Variants in COL4A1 observed in about 807,000 individuals in gnomAD.
COL4A1 encodes the protein collagen alpha-1(IV) chain.
COL4A1 carries 40 observed loss-of-function variants against 216.6 expected under a neutral mutation model. The observed-to-expected ratio is 0.18, with a 90% CI of 0.14 to 0.24. The LOEUF is 0.24. Among genes scored for constraint, COL4A1 ranks in the 10% least tolerant of loss-of-function variants. The pLI is 1.00. For missense variants in COL4A1, 1,628 were observed against 2,196.8 expected (o/e 0.74, Z 5.18); for synonymous variants, 839 against 810.7 (o/e 1.03, Z -0.59).
chr13:110,178,042 C>T, intron 32 of COL4A1, 22 bp downstream of exon 32: 1 of 1,614,152 alleles, frequency 6.2e-7, no homozygotes, highest in Non-Finnish European at 8.5e-7. Flanking sequence ...TGGATCCAGG[C>T]AGAAGTTCAA....
At chr13:110,242,788 A>C in intron 1 of COL4A1, 54 bp from the exon 2 acceptor site, 1 of 1,587,508 alleles carries the variant, frequency 6.3e-7, no homozygotes, top group Non-Finnish European at 8.6e-7. Context: ...AAGCGAGGGC[A>C]CTATGCAAAT....
chr13:110,275,772 A>C (rs1193070), intron 1 of COL4A1, among the ~76,000 whole-genome samples: 14,870 of 152,196 alleles, frequency 0.098, 909 homozygotes, highest in East Asian at 0.31. Context: ...AATGCATATT[A>C]CTAAGGGAAT....
chr13:110,167,819 T>C (rs1432069973), intron 43 of COL4A1, among the ~76,000 whole-genome samples: 1 of 152,196 alleles, frequency 6.6e-6, no homozygotes, highest in Non-Finnish European at 1.5e-5. Context: ...CTTTCTCAAG[T>C]CGTGGACAGC....
chr13:110,270,452 T>C (rs990003142), intron 1 of COL4A1, among the ~76,000 whole-genome samples: 2 of 152,248 alleles, frequency 1.3e-5, no homozygotes, highest in Non-Finnish European at 2.9e-5. Flanking sequence ...GAAAAGGAGA[T>C]AAAAGGAAGA....
chr13:110,185,857 A>G (rs1878377780), intron 26 of COL4A1, among the ~76,000 whole-genome samples: 1 of 152,206 alleles, frequency 6.6e-6, no homozygotes, highest in Non-Finnish European at 1.5e-5. Context: ...GGTTTTGACC[A>G]TGTGTTGTCA....
rs765136390 is a variant in COL4A1 at position 110,181,413 on chromosome 13, A to AC, written c.2096-25_2096-24insG. On this transcript the variant is annotated intron_variant, in intron 28 of 51. Transcript: ENST00000375820. ...ACCTGTTTTAAAGAGTCAAAAAAAA[A>AC]AAACAAACAAACAATCATTGCGATT... 1.2e-3 allele frequency: 1,877 copies of AC among 1,587,292 alleles called. 3 individuals are homozygous for AC. Among genetic ancestry groups the AC allele is most frequent in the East Asian group, 1.6e-3 (72 of 44,444 alleles).
chr13:110,210,313 T>C, intron 8 of COL4A1, 101 bp from the exon 9 acceptor site: 1 of 1,126,034 alleles, frequency 8.9e-7, no homozygotes, highest in African/African-American at 1.5e-5. Flanking sequence ...GTTACAGGAC[T>C]AGCCTAAGTC....
intron 2 of COL4A1, among the ~76,000 whole-genome samples, chr13:110,222,781 A>AAG: frequency 1.2e-5 from 1 of 85,092 alleles, no homozygotes; most frequent in Non-Finnish European, 2.8e-5. Context: ...TTAAAAAAAA[A>AAG]AAAAAAAAAA....
Position 110,162,255 on chromosome 13 carries a change from A to G in COL4A1, c.4437T>C (p.Asn1479=). The G allele has an allele frequency of 1.4e-5, 22 of 1,614,226 alleles. No individual in the cohort carries two copies. Among genetic ancestry groups the G allele is most frequent in the Non-Finnish European group, 1.9e-5 (22 of 1,180,028 alleles). ...HGYSLLYVQG[N]ERAHGQDLGT... is the part of the protein sequence containing the mutation. Reference sequence around the variant, plus strand: ...CCAAGTCCTGGCCATGGGCCCGTTCATTGCCTTGCACGTAGAGCAAAGAGT... The same window carrying G: ...CCAAGTCCTGGCCATGGGCCCGTTCGTTGCCTTGCACGTAGAGCAAAGAGT... The change falls in exon 48 of 52, where the codon AAT becomes AAC. Residue 1479 remains asparagine, a synonymous_variant. Transcript: ENST00000375820.
intron 2 of COL4A1, among the ~76,000 whole-genome samples, chr13:110,219,087 G>A (rs1397396381): frequency 6.6e-6 from 1 of 152,156 alleles, no homozygotes; most frequent in African/African-American, 2.4e-5. Flanking sequence ...GGTGGGTGCC[G>A]CGGGGTCATG....
chr13:110,276,798 A>G (rs910122714), intron 1 of COL4A1, among the ~76,000 whole-genome samples: 1 of 152,244 alleles, frequency 6.6e-6, no homozygotes, highest in African/African-American at 2.4e-5. Context: ...ACTCTGCAGT[A>G]TAAAGATACC....
chr13:110,239,638 T>G (rs945627092), intron 2 of COL4A1, among the ~76,000 whole-genome samples: 2 of 152,218 alleles, frequency 1.3e-5, no homozygotes, highest in Non-Finnish European at 2.9e-5. Context: ...ATTCCATTAT[T>G]CCAACCCCTT....
chr13:110,286,257 TG>T (rs1230572759), intron 1 of COL4A1, among the ~76,000 whole-genome samples: 3 of 152,096 alleles, frequency 2.0e-5, no homozygotes, highest in Non-Finnish European at 2.9e-5. Context: ...GGAGGGGAAA[TG>T]GGGGCTTGGG....
chr13:110,219,647 AAT>A (rs1339586899), intron 2 of COL4A1, among the ~76,000 whole-genome samples: 9 of 95,142 alleles, frequency 9.5e-5, no homozygotes, highest in Admixed American at 1.3e-4. Flanking sequence ...GTAAGTTGAA[AAT>A]ATATATATAT....
At chr13:110,302,266 G>A (rs1045353185) in intron 1 of COL4A1, among the ~76,000 whole-genome samples, 4 of 152,324 alleles carry the variant, frequency 2.6e-5, no homozygotes, top group African/African-American at 9.6e-5. Flanking sequence ...GTCGGGAAGG[G>A]TTGTCAGTCC....
At chr13:110,153,615 T>C (rs973976164) in intron 50 of COL4A1, among the ~76,000 whole-genome samples, 2 of 152,208 alleles carry the variant, frequency 1.3e-5, no homozygotes, top group Admixed American at 6.5e-5. Flanking sequence ...GTGTCCTGAT[T>C]TCTCTATACA....
chr13:110,174,363 G>T, intron 39 of COL4A1, 83 bp downstream of exon 39: 1 of 1,483,992 alleles, frequency 6.7e-7, no homozygotes, highest in Non-Finnish European at 9.3e-7. Flanking sequence ...CTCCCCGTCT[G>T]TGATGGGAAC....
intron 1 of COL4A1, among the ~76,000 whole-genome samples, chr13:110,303,660 C>T (rs1393220318): frequency 6.6e-6 from 1 of 152,254 alleles, no homozygotes; most frequent in African/African-American, 2.4e-5. Context: ...CCAGAAGTTT[C>T]CTCTGAGTTC....
chr13:110,162,103 C>A, intron 48 of COL4A1, 127 bp downstream of exon 48: 1 of 911,952 alleles, frequency 1.1e-6, no homozygotes, highest in East Asian at 2.4e-5. Flanking sequence ...CTGGCTACCG[C>A]CCTCATGGCG....
Sources: gnomAD v4.1 joint callset for allele counts (sites outside exome capture counted in the v4.1 genomes callset) on GRCh38, gnomAD v4.1.1 for gene constraint, MANE v1.5 for transcripts, NCBI Gene and HGNC (gene_info 2026-07-23, HGNC 2026-07-21) for gene names.